Variants in GABBR2 observed in about 807,000 individuals in gnomAD.
The protein encoded by GABBR2 is G-protein coupled receptor 51.
A neutral mutation model predicts 105.6 loss-of-function variants in GABBR2; 23 were observed. The ratio of observed to expected loss-of-function variants is 0.22; its 90% CI spans 0.16 to 0.31. The LOEUF (loss-of-function observed/expected upper bound fraction) is 0.31. Ranked by LOEUF, GABBR2 falls within the 10% of genes least tolerant of loss-of-function variation. The pLI is 1.00. For synonymous variants in GABBR2, 478 were observed against 499.7 expected, an observed-to-expected ratio of 0.96 and a Z score of 0.58; for missense variants, 734 against 1,245.5, an observed-to-expected ratio of 0.59 and a Z score of 6.18.
intron 3 of GABBR2, among the ~76,000 whole-genome samples, chr9:98,533,190 G>A (rs1011755921): frequency 2.0e-5 from 3 of 152,116 alleles, no homozygotes; most frequent in African/African-American, 4.8e-5. Flanking sequence ...AAGGGGCCTC[G>A]GGTCAACTCC....
At chr9:98,377,830 C>T (rs1301890537) in intron 11 of GABBR2, among the ~76,000 whole-genome samples, 1 of 152,140 alleles carries the variant, frequency 6.6e-6, no homozygotes, top group East Asian at 1.9e-4. Context: ...ATCCAGGACT[C>T]CAGTTGGCCC....
intron 7 of GABBR2, among the ~76,000 whole-genome samples, chr9:98,415,240 A>G (rs1364624025): frequency 1.3e-5 from 2 of 152,176 alleles, no homozygotes; most frequent in Non-Finnish European, 2.9e-5. Context: ...TCTATAATAA[A>G]TGGGTATTAT....
At chr9:98,297,240 G>A (rs559438140) in intron 17 of GABBR2, among the ~76,000 whole-genome samples, 5 of 152,090 alleles carry the variant, frequency 3.3e-5, no homozygotes, top group South Asian at 2.1e-4. Context: ...CAATTTAAAC[G>A]TTTTTGCAAT....
chr9:98,391,755 G>T (rs1457433492), intron 9 of GABBR2, among the ~76,000 whole-genome samples: 1 of 152,172 alleles, frequency 6.6e-6, no homozygotes, highest in Non-Finnish European at 1.5e-5. Flanking sequence ...GAGAAGCGAG[G>T]AGGGGTCCCT....
intron 6 of GABBR2, among the ~76,000 whole-genome samples, chr9:98,472,331 A>T (rs537586934): frequency 1.2e-4 from 19 of 152,308 alleles, no homozygotes; most frequent in South Asian, 1.0e-3. Context: ...TACATGTCCT[A>T]TATTACTTGG....
chr9:98,473,410 G>A, intron 5 of GABBR2, 64 bp from the exon 6 acceptor site: 1 of 1,068,892 alleles, frequency 9.4e-7, no homozygotes, highest in South Asian at 1.3e-5. Flanking sequence ...CTGTGCCCTG[G>A]AAGACAGGTG....
intron 3 of GABBR2, among the ~76,000 whole-genome samples, chr9:98,505,060 A>G (rs1179763401): frequency 6.6e-6 from 1 of 152,246 alleles, no homozygotes; most frequent in Admixed American, 6.5e-5. Flanking sequence ...GGTTCAGGAA[A>G]TTAGATTTTG....
intron 16 of GABBR2, among the ~76,000 whole-genome samples, chr9:98,300,541 G>A (rs1830452283): frequency 1.3e-5 from 2 of 152,172 alleles, no homozygotes; most frequent in South Asian, 4.1e-4. Context: ...GTTGGGGGTG[G>A]TAGTCGGGAT....
At chr9:98,466,656 A>C (rs1826563808) in intron 6 of GABBR2, among the ~76,000 whole-genome samples, 1 of 152,236 alleles carries the variant, frequency 6.6e-6, no homozygotes, top group Non-Finnish European at 1.5e-5. Flanking sequence ...AATCCTTACA[A>C]ATCTGTGAGA....
At chr9:98,683,622 G>A (rs531596662) in intron 1 of GABBR2, among the ~76,000 whole-genome samples, 1 of 152,140 alleles carries the variant, frequency 6.6e-6, no homozygotes, top group Non-Finnish European at 1.5e-5. Context: ...ATGGAGATGC[G>A]CATCTATTTT....
At chr9:98,297,309 C>A (rs1281335652) in intron 17 of GABBR2, among the ~76,000 whole-genome samples, 1 of 152,164 alleles carries the variant, frequency 6.6e-6, no homozygotes, top group African/African-American at 2.4e-5. Context: ...CCACTTACTA[C>A]TTATATAATC....
chr9:98,576,364 C>T (rs989731682), intron 2 of GABBR2, among the ~76,000 whole-genome samples: 1 of 152,222 alleles, frequency 6.6e-6, no homozygotes, highest in Admixed American at 6.5e-5. Flanking sequence ...CATTCACTGA[C>T]ATGGAATGCG....
At chr9:98,651,399 T>C (rs1030054534) in intron 1 of GABBR2, among the ~76,000 whole-genome samples, 5 of 152,114 alleles carry the variant, frequency 3.3e-5, no homozygotes, top group Non-Finnish European at 7.4e-5. Flanking sequence ...GTGCTGGGAT[T>C]ACAGGCGTGA....
chr9:98,485,483 T>TA (rs1827024474), intron 4 of GABBR2, among the ~76,000 whole-genome samples: 2 of 148,182 alleles, frequency 1.3e-5, no homozygotes, highest in South Asian at 4.3e-4. Flanking sequence ...TAAAGAGAGC[T>TA]AAACACACAT....
intron 11 of GABBR2, chr9:98,375,009 C>T (rs1470702806): frequency 6.6e-6 from 1 of 152,194 alleles, no homozygotes; most frequent in Non-Finnish European, 1.5e-5. Context: ...CAGACACCTA[C>T]TGCCAGGGCT....
chr9:98,629,563 C>T (rs571515220), intron 1 of GABBR2, among the ~76,000 whole-genome samples: 2 of 152,320 alleles, frequency 1.3e-5, no homozygotes, highest in East Asian at 3.9e-4. Flanking sequence ...GATGGTCTGC[C>T]ACGTAGCATT....
chr9:98,514,789 T>TA (rs1827724922), intron 3 of GABBR2, among the ~76,000 whole-genome samples: 1 of 152,046 alleles, frequency 6.6e-6, no homozygotes, highest in African/African-American at 2.4e-5. Context: ...CCCTAAAACT[T>TA]AAAGTATAAT....
intron 1 of GABBR2, among the ~76,000 whole-genome samples, chr9:98,586,284 C>CTTTTTTTTTTTTTTTTTTTTTT (rs569530376): frequency 1.3e-4 from 17 of 131,084 alleles, no homozygotes; most frequent in Non-Finnish European, 1.9e-4. Flanking sequence ...TCTTTTCTTT[C>CTTTTTTTTTTTTTTTTTTTTTT]TTTTTTTTTT....
intron 18 of GABBR2, among the ~76,000 whole-genome samples, chr9:98,292,916 A>G (rs1191789403): frequency 6.6e-6 from 1 of 152,228 alleles, no homozygotes; most frequent in Non-Finnish European, 1.5e-5. Context: ...TACTGGAGGC[A>G]ACTGCTAGGC....
Sources: allele counts gnomAD v4.1 joint callset (sites outside exome capture counted in the v4.1 genomes callset), GRCh38; gene constraint gnomAD v4.1.1; transcripts MANE v1.5; gene names NCBI Gene and HGNC (gene_info 2026-07-23, HGNC 2026-07-21).